FNDC3B: variants seen among roughly 807,000 people sequenced by gnomAD.
FNDC3B encodes fibronectin type III domain-containing protein 3B.
FNDC3B carries 12 observed loss-of-function variants against 151.5 expected under a neutral mutation model. The ratio of observed to expected loss-of-function variants is 0.08; its 90% CI spans 0.05 to 0.13. The LOEUF is 0.13. Among genes scored for constraint, FNDC3B ranks in the 10% least tolerant of loss-of-function variants. The probability of loss-of-function intolerance (pLI) is 1.00; values close to 1 mark genes in which losing one functional copy is unlikely to be tolerated. For missense variants in FNDC3B, 1,214 were observed against 1,505.3 expected (o/e 0.81, Z 3.20); for synonymous variants, 528 against 549.0 (o/e 0.96, Z 0.54).
chr3:172,116,751 A>C (rs1437257984), intron 2 of FNDC3B, among the ~76,000 whole-genome samples: 1 of 152,124 alleles, frequency 6.6e-6, no homozygotes, highest in Non-Finnish European at 1.5e-5. Context: ...TTTTTAGTAG[A>C]GATGGCATTT....
intron 6 of FNDC3B, among the ~76,000 whole-genome samples, chr3:172,279,226 G>A (rs1296190578): frequency 1.6e-5 from 2 of 127,512 alleles, no homozygotes; most frequent in South Asian, 3.1e-4. Flanking sequence ...GGAGTGGGGG[G>A]CGGGGGGCGG....
intron 3 of FNDC3B, among the ~76,000 whole-genome samples, chr3:172,183,063 A>G (rs1723996244): frequency 6.6e-6 from 1 of 152,246 alleles, no homozygotes; most frequent in Admixed American, 6.5e-5. Flanking sequence ...AATAAGAAAT[A>G]AGGAGCCCCT....
chr3:172,135,634 A>G lies in FNDC3B; in HGVS notation c.187+2088A>G, dbSNP rs141615553. 5.1e-4 allele frequency among the ~76,000 whole-genome samples: 77 copies of G among 152,178 alleles called. 1 individual carries two copies. The highest frequency in any genetic ancestry group is 1.8e-3 in the African/African-American group (73 of 41,518). On this transcript the variant is annotated intron_variant, in intron 3 of 25. Transcript: ENST00000415807. ...GCCCAATTAACTGAAATGACACAGG[A>G]TGGAATGAGGACTAGGACCTGGATC...
Position 172,226,902 on chromosome 3 carries a change from T to C in FNDC3B, c.219T>C (p.Asn73=). 6.2e-7 allele frequency: 1 copy of C among 1,613,392 alleles called. No individual in the cohort carries two copies. Among genetic ancestry groups the C allele is most frequent in the Non-Finnish European group, 8.5e-7 (1 of 1,179,272 alleles). Residue 73 remains asparagine (N), a synonymous_variant, in exon 4 of 26, where the codon AAT becomes AAC. Coordinates refer to ENST00000415807, the MANE Select transcript of FNDC3B (RefSeq NM_022763.4). ...GPAEVPMMSP[N]GSIPPIHVPP... ...CTGAAGTTCCCATGATGTCACCCAA[T>C]GGATCCATTCCTCCCATTCATGTGC...
At chr3:172,113,188 T>C (rs1321753275) in intron 2 of FNDC3B, among the ~76,000 whole-genome samples, 2 of 152,228 alleles carry the variant, frequency 1.3e-5, no homozygotes, top group African/African-American at 4.8e-5. Flanking sequence ...GATTGAACTA[T>C]TATCTCTAAC....
chr3:172,168,637 G>A (rs1006043051), intron 3 of FNDC3B, among the ~76,000 whole-genome samples: 4 of 151,598 alleles, frequency 2.6e-5, no homozygotes, highest in Non-Finnish European at 5.9e-5. Flanking sequence ...TATTTCAAGT[G>A]TTGCTATATA....
chr3:172,162,527 T>C (rs1459533701), intron 3 of FNDC3B, among the ~76,000 whole-genome samples: 1 of 152,230 alleles, frequency 6.6e-6, no homozygotes, highest in Non-Finnish European at 1.5e-5. Context: ...CTGGGCCTTA[T>C]GGTAACTGTA....
chr3:172,206,542 C>A (rs1725436808), intron 3 of FNDC3B, among the ~76,000 whole-genome samples: 1 of 151,098 alleles, frequency 6.6e-6, no homozygotes, highest in South Asian at 2.1e-4. Context: ...GCCTGTAATC[C>A]CAGCTACTCA....
intron 6 of FNDC3B, among the ~76,000 whole-genome samples, chr3:172,279,783 ATTC>A (rs1729610204): frequency 6.6e-6 from 1 of 152,254 alleles, no homozygotes; most frequent in African/African-American, 2.4e-5. Context: ...TAGATAATTA[ATTC>A]TTCTTTTGTA....
At chr3:172,286,082 C>A in intron 7 of FNDC3B, 98 bp downstream of exon 7, 1 of 847,892 alleles carries the variant, frequency 1.2e-6, no homozygotes, top group Non-Finnish European at 1.9e-6. Context: ...AGGAAAAGGG[C>A]TCTTTCCCTT....
At chr3:172,181,395 CAAAAAAAAAAA>C (rs755223783) in intron 3 of FNDC3B, among the ~76,000 whole-genome samples, 2 of 71,532 alleles carry the variant, frequency 2.8e-5, no homozygotes, top group Non-Finnish European at 4.8e-5. Context: ...ACTCTGTCTC[CAAAAAAAAAAA>C]AAAAAAAACA....
chr3:172,216,388 T>TTACTGTGCCAAA (rs1576805945), intron 3 of FNDC3B, among the ~76,000 whole-genome samples: 1 of 152,160 alleles, frequency 6.6e-6, no homozygotes, highest in East Asian at 1.9e-4. Flanking sequence ...TTTAACTGGC[T>TTACTGTGCCAAA]GGGCACAGTA....
chr3:172,127,051 G>A (rs775098324), intron 2 of FNDC3B: 3 of 456,696 alleles, frequency 6.6e-6, no homozygotes, highest in Non-Finnish European at 8.8e-6. Context: ...AGAAAATCTG[G>A]TCAGAGGTGA....
intron 23 of FNDC3B, among the ~76,000 whole-genome samples, chr3:172,368,144 C>T (rs1336911355): frequency 1.3e-5 from 2 of 152,106 alleles, no homozygotes; most frequent in Non-Finnish European, 1.5e-5. Context: ...TGGAGGCACA[C>T]ACTAGGTCCC....
At chr3:172,288,056 A>T (rs953269728) in intron 7 of FNDC3B, among the ~76,000 whole-genome samples, 2 of 152,222 alleles carry the variant, frequency 1.3e-5, no homozygotes, top group African/African-American at 4.8e-5. Flanking sequence ...TAGGCCCCTG[A>T]ATCATGTAGA....
At chr3:172,150,741 T>C (rs1300063416) in intron 3 of FNDC3B, among the ~76,000 whole-genome samples, 1 of 152,132 alleles carries the variant, frequency 6.6e-6, no homozygotes, top group African/African-American at 2.4e-5. Context: ...TAAAAAAAGT[T>C]TGTGGGTACA....
intron 3 of FNDC3B, among the ~76,000 whole-genome samples, chr3:172,135,239 T>C (rs184800421): frequency 6.6e-6 from 1 of 152,120 alleles, no homozygotes; most frequent in African/African-American, 2.4e-5. Flanking sequence ...CTTTTTGGTG[T>C]CTAAGGAGTG....
chr3:172,284,870 G>A (rs747724463), intron 6 of FNDC3B, among the ~76,000 whole-genome samples: 30 of 151,190 alleles, frequency 2.0e-4, no homozygotes, highest in Non-Finnish European at 3.8e-4. Context: ...ATCATATCTC[G>A]CTAGCGTTTA....
intron 3 of FNDC3B, among the ~76,000 whole-genome samples, chr3:172,179,760 G>A (rs1477681560): frequency 1.3e-5 from 2 of 150,474 alleles, no homozygotes; most frequent in African/African-American, 2.4e-5. Context: ...GCGACTGCCT[G>A]TAGACTGAGC....
Sources: gnomAD v4.1 joint callset for allele counts (sites outside exome capture counted in the v4.1 genomes callset) on GRCh38, gnomAD v4.1.1 for gene constraint, MANE v1.5 for transcripts, NCBI Gene and HGNC (gene_info 2026-07-23, HGNC 2026-07-21) for gene names.